Variants in COMMD10 observed in about 807,000 individuals in gnomAD.
The protein encoded by COMMD10 is COMM domain containing 10.
COMMD10 carries 33 observed loss-of-function variants against 28.9 expected under a neutral mutation model. The ratio of observed to expected loss-of-function variants is 1.14; its 90% confidence interval spans 0.87 to 1.53. The LOEUF (loss-of-function observed/expected upper bound fraction) is 1.53, where lower values mean the gene tolerates loss of function less well. Ranked by LOEUF, COMMD10 falls within the 40% of genes most tolerant of loss-of-function variation. The probability of loss-of-function intolerance (pLI) is 0.00; values close to 1 mark genes in which losing one functional copy is unlikely to be tolerated. For synonymous variants in COMMD10, 110 were observed against 81.7 expected (o/e 1.35, Z -1.87); for missense variants, 310 against 233.4 (o/e 1.33, Z -2.14).
At chr5:116,161,475 C>T (rs1404706388) in intron 5 of COMMD10, among the ~76,000 whole-genome samples, 3 of 152,070 alleles carry the variant, frequency 2.0e-5, no homozygotes, top group East Asian at 3.9e-4. Flanking sequence ...AGCCCCTGTG[C>T]AGTGACAAAT....
At chr5:116,258,716 G>A (rs182843432) in intron 5 of COMMD10, among the ~76,000 whole-genome samples, 4 of 151,092 alleles carry the variant, frequency 2.6e-5, no homozygotes, top group Admixed American at 2.0e-4. Flanking sequence ...TCATCCCTTC[G>A]TCCTCTTTCT....
chr5:116,240,201 G>A (rs1055411536), intron 5 of COMMD10, among the ~76,000 whole-genome samples: 2 of 151,796 alleles, frequency 1.3e-5, no homozygotes, highest in African/African-American at 4.8e-5. Context: ...ACAGGTAGAT[G>A]ATGAAAAATG....
At chr5:116,289,036 C>T (rs887960064) in intron 5 of COMMD10, among the ~76,000 whole-genome samples, 1 of 151,378 alleles carries the variant, frequency 6.6e-6, no homozygotes, top group Non-Finnish European at 1.5e-5. Context: ...TGCATGCCAC[C>T]ATGCCTGGCT....
At chr5:116,290,167 A>G (rs1046980318) in intron 5 of COMMD10, among the ~76,000 whole-genome samples, 2 of 151,854 alleles carry the variant, frequency 1.3e-5, no homozygotes, top group African/African-American at 2.4e-5. Context: ...TCAGAACTTT[A>G]GGGTAAACCT....
At chr5:116,176,764 T>C (rs573795809) in intron 5 of COMMD10, among the ~76,000 whole-genome samples, 1 of 152,196 alleles carries the variant, frequency 6.6e-6, no homozygotes, top group Non-Finnish European at 1.5e-5. Context: ...GTTGTCAGTA[T>C]CTCCCTAAAT....
At chr5:116,213,228 C>G (rs561711539) in intron 5 of COMMD10, among the ~76,000 whole-genome samples, 2 of 152,144 alleles carry the variant, frequency 1.3e-5, no homozygotes, top group African/African-American at 4.8e-5. Context: ...ACTACTAAAG[C>G]AATTCTTAAT....
intron 5 of COMMD10, among the ~76,000 whole-genome samples, chr5:116,147,995 A>T (rs988842182): frequency 6.6e-6 from 1 of 151,828 alleles, no homozygotes; most frequent in African/African-American, 2.4e-5. Flanking sequence ...AAATGACTAC[A>T]TAGGATTCTG....
At chr5:116,253,420 A>T (rs1750181842) in intron 5 of COMMD10, among the ~76,000 whole-genome samples, 1 of 151,400 alleles carries the variant, frequency 6.6e-6, no homozygotes, top group Non-Finnish European at 1.5e-5. Context: ...TCAGTATGAT[A>T]TTGGCTGTGG....
At chr5:116,167,554 A>T (rs1753167886) in intron 5 of COMMD10, among the ~76,000 whole-genome samples, 1 of 152,194 alleles carries the variant, frequency 6.6e-6, no homozygotes, top group African/African-American at 2.4e-5. Flanking sequence ...CAGATTCACC[A>T]AGGTGGACAT....
At chr5:116,161,878 C>T (rs1324587332) in intron 5 of COMMD10, among the ~76,000 whole-genome samples, 2 of 152,040 alleles carry the variant, frequency 1.3e-5, no homozygotes, top group Admixed American at 6.6e-5. Context: ...TAAATGGACC[C>T]CTGCAGTGCA....
chr5:116,210,016 A>G (rs886388674), intron 5 of COMMD10, among the ~76,000 whole-genome samples: 1 of 152,184 alleles, frequency 6.6e-6, no homozygotes, highest in Non-Finnish European at 1.5e-5. Flanking sequence ...TTGCTGCATC[A>G]TTATGTGGCA....
At chr5:116,229,934 C>G (rs1749486123) in intron 5 of COMMD10, among the ~76,000 whole-genome samples, 1 of 151,526 alleles carries the variant, frequency 6.6e-6, no homozygotes, top group Admixed American at 6.6e-5. Context: ...CCTAAAAACA[C>G]TAGATATATG....
chr5:116,204,981 A>C (rs1332415289), intron 5 of COMMD10, among the ~76,000 whole-genome samples: 1 of 152,002 alleles, frequency 6.6e-6, no homozygotes, highest in Non-Finnish European at 1.5e-5. Context: ...TGAATTTGGT[A>C]GTTAAAGGTG....
intron 5 of COMMD10, among the ~76,000 whole-genome samples, chr5:116,208,604 G>A (rs11241379): frequency 0.21 from 32,332 of 152,064 alleles, 5,736 homozygotes; most frequent in African/African-American, 0.49. Context: ...TGCACCTTTA[G>A]TATTCAATAA....
chr5:116,089,570 T>G (rs1295036462), intron 2 of COMMD10, among the ~76,000 whole-genome samples: 2 of 152,208 alleles, frequency 1.3e-5, no homozygotes, highest in African/African-American at 4.8e-5. Flanking sequence ...GTTTAGTTTG[T>G]CTTTGACACT....
chr5:116,263,700 C>G (rs980676066), intron 5 of COMMD10, among the ~76,000 whole-genome samples: 3 of 151,780 alleles, frequency 2.0e-5, no homozygotes, highest in Admixed American at 6.6e-5. Flanking sequence ...GAGATAAACT[C>G]GACCAATTGT....
intron 5 of COMMD10, among the ~76,000 whole-genome samples, chr5:116,290,146 T>C (rs1751326561): frequency 6.6e-6 from 1 of 151,850 alleles, no homozygotes; most frequent in Non-Finnish European, 1.5e-5. Context: ...GATGAACTTG[T>C]CTTGCTTTTC....
chr5:116,102,971 T>A (rs1750714438), intron 4 of COMMD10, among the ~76,000 whole-genome samples: 1 of 152,194 alleles, frequency 6.6e-6, no homozygotes, highest in African/African-American at 2.4e-5. Context: ...TCCGGCTTCA[T>A]CCATGTCCCT....
intron 5 of COMMD10, among the ~76,000 whole-genome samples, chr5:116,272,644 A>G (rs565554391): frequency 6.6e-6 from 1 of 151,936 alleles, no homozygotes; most frequent in South Asian, 2.1e-4. Context: ...CATATTACAT[A>G]TCCTGTTACC....
Sources: gnomAD v4.1 joint callset for allele counts (sites outside exome capture counted in the v4.1 genomes callset) on GRCh38, gnomAD v4.1.1 for gene constraint, MANE v1.5 for transcripts, NCBI Gene and HGNC (gene_info 2026-07-23, HGNC 2026-07-21) for gene names.